Variants in DCC observed in about 807,000 individuals in gnomAD.
DCC encodes netrin receptor DCC.
DCC carries 58 observed loss-of-function variants against 172.5 expected under a neutral mutation model. The ratio of observed to expected loss-of-function variants is 0.34; its 90% CI spans 0.27 to 0.42. DCC has a LOEUF of 0.42. Among genes scored for constraint, DCC ranks in the 10% least tolerant of loss-of-function variants. DCC has a pLI of 1.00. For synonymous variants in DCC, 709 were observed against 644.5 expected (o/e 1.10, Z -1.52); for missense variants, 1,740 against 1,791.0 (o/e 0.97, Z 0.51).
At chr18:52,691,740 T>C (rs1233279001) in intron 1 of DCC, among the ~76,000 whole-genome samples, 1 of 152,168 alleles carries the variant, frequency 6.6e-6, no homozygotes. Flanking sequence ...GATTAGAATG[T>C]AGAAACACCA....
At chr18:52,542,945 G>C (rs1191950867) in intron 1 of DCC, among the ~76,000 whole-genome samples, 2 of 152,162 alleles carry the variant, frequency 1.3e-5, no homozygotes, top group African/African-American at 2.4e-5. Flanking sequence ...TGTGTTAAAT[G>C]CTATTGAATA....
At chr18:53,463,230 T>G (rs1568148222) in intron 24 of DCC, among the ~76,000 whole-genome samples, 1 of 152,216 alleles carries the variant, frequency 6.6e-6, no homozygotes, top group Non-Finnish European at 1.5e-5. Flanking sequence ...ACCTTTTCCT[T>G]TCGTCTTTTA....
intron 1 of DCC, among the ~76,000 whole-genome samples, chr18:52,537,554 A>G (rs2032321890): frequency 6.6e-6 from 1 of 152,182 alleles, no homozygotes; most frequent in Non-Finnish European, 1.5e-5. Context: ...GAGGCTTAAA[A>G]TTACAGTCTA....
At chr18:52,889,416 A>T (rs573910372) in intron 2 of DCC, among the ~76,000 whole-genome samples, 8 of 152,236 alleles carry the variant, frequency 5.3e-5, no homozygotes, top group African/African-American at 1.7e-4. Context: ...CATTGACCAC[A>T]TACTACTCTA....
intron 5 of DCC, among the ~76,000 whole-genome samples, chr18:52,983,608 C>T (rs1177556273): frequency 6.6e-6 from 1 of 152,168 alleles, no homozygotes; most frequent in Admixed American, 6.5e-5. Context: ...TTCCTTTTAT[C>T]TGAATGTTTG....
At chr18:53,273,907 C>T (rs2056776293) in intron 12 of DCC, among the ~76,000 whole-genome samples, 1 of 152,064 alleles carries the variant, frequency 6.6e-6, no homozygotes, top group African/African-American at 2.4e-5. Flanking sequence ...CATGTAGAAG[C>T]AGCTCATGTT....
At chr18:52,586,504 G>A (rs2033677714) in intron 1 of DCC, among the ~76,000 whole-genome samples, 1 of 152,132 alleles carries the variant, frequency 6.6e-6, no homozygotes. Flanking sequence ...AAGTGTCCAG[G>A]TGGCAATCTT....
intron 1 of DCC, among the ~76,000 whole-genome samples, chr18:52,491,056 C>G (rs1049090473): frequency 6.6e-6 from 1 of 152,074 alleles, no homozygotes. Flanking sequence ...CATTTAACAC[C>G]TCTTCACTCT....
chr18:53,373,568 C>G (rs1320089910), intron 15 of DCC, among the ~76,000 whole-genome samples: 1 of 152,082 alleles, frequency 6.6e-6, no homozygotes, highest in African/African-American at 2.4e-5. Flanking sequence ...ATTCTAACTT[C>G]ATTTCATCAT....
At chr18:52,690,034 G>GAGA (rs1288104580) in intron 1 of DCC, among the ~76,000 whole-genome samples, 5 of 152,128 alleles carry the variant, frequency 3.3e-5, no homozygotes, top group African/African-American at 4.8e-5. Flanking sequence ...AGCTGAAGTT[G>GAGA]AGAAGAAGAT....
intron 16 of DCC, among the ~76,000 whole-genome samples, chr18:53,388,873 C>T (rs1908358386): frequency 6.6e-6 from 1 of 152,150 alleles, no homozygotes; most frequent in Non-Finnish European, 1.5e-5. Flanking sequence ...TAGACTTGAC[C>T]TCTTAGGCTC....
At chr18:52,427,958 C>A (rs1003792361) in intron 1 of DCC, among the ~76,000 whole-genome samples, 1 of 151,670 alleles carries the variant, frequency 6.6e-6, no homozygotes, top group East Asian at 1.9e-4. Flanking sequence ...AAAAGGCAAG[C>A]ACTCCACCAA....
intron 5 of DCC, among the ~76,000 whole-genome samples, chr18:52,987,347 A>C (rs1199354381): frequency 6.6e-6 from 1 of 152,162 alleles, no homozygotes; most frequent in Non-Finnish European, 1.5e-5. Context: ...CAGATAAGAC[A>C]AAATGCCAAA....
At chr18:52,522,426 C>T (rs562999450) in intron 1 of DCC, among the ~76,000 whole-genome samples, 120 of 152,232 alleles carry the variant, frequency 7.9e-4, no homozygotes, top group Non-Finnish European at 1.6e-3. Flanking sequence ...CTCAATGAGA[C>T]CCCCTGATCC....
chr18:52,747,112 T>G, intron 1 of DCC, among the ~76,000 whole-genome samples: 1 of 152,112 alleles, frequency 6.6e-6, no homozygotes, highest in East Asian at 1.9e-4. Context: ...TTTAGAAATC[T>G]TCCCAAACCA....
chr18:52,982,532 T>A (rs1283183574), intron 5 of DCC, among the ~76,000 whole-genome samples: 2 of 152,054 alleles, frequency 1.3e-5, no homozygotes, highest in African/African-American at 4.8e-5. Flanking sequence ...ATAGTAACAT[T>A]TGGGCCTGGA....
intron 14 of DCC, among the ~76,000 whole-genome samples, chr18:53,334,505 C>T (rs1291786223): frequency 1.3e-5 from 2 of 152,140 alleles, no homozygotes; most frequent in Admixed American, 6.6e-5. Context: ...TGTCATGCAG[C>T]CATCACCACC....
intron 12 of DCC, among the ~76,000 whole-genome samples, chr18:53,271,293 G>T (rs1281891529): frequency 6.6e-6 from 1 of 152,084 alleles, no homozygotes; most frequent in African/African-American, 2.4e-5. Flanking sequence ...AATGAGTGGA[G>T]GAAGCAATAT....
At chr18:53,243,801 C>T (rs11082974) in intron 12 of DCC, among the ~76,000 whole-genome samples, 1 of 151,908 alleles carries the variant, frequency 6.6e-6, no homozygotes, top group Admixed American at 6.6e-5. Flanking sequence ...TCTGACTCCC[C>T]GATTCAGCTG....
Sources: allele counts gnomAD v4.1 joint callset (sites outside exome capture counted in the v4.1 genomes callset), GRCh38; gene constraint gnomAD v4.1.1; transcripts MANE v1.5; gene names NCBI Gene and HGNC (gene_info 2026-07-23, HGNC 2026-07-21).